Variants in EHD3 observed in about 807,000 individuals in gnomAD.
EHD3 encodes the protein EH domain containing 3, also known as EH domain-containing protein 3.
Under a neutral mutation model 43.0 loss-of-function variants are expected in EHD3, and 17 were observed. The ratio of observed to expected loss-of-function variants is 0.40; its 90% CI spans 0.27 to 0.59. The LOEUF (loss-of-function observed/expected upper bound fraction) is 0.59. Among genes scored for constraint, EHD3 ranks in the 20% least tolerant of loss-of-function variants. EHD3 has a pLI of 0.49. For synonymous variants in EHD3, 313 were observed against 289.5 expected (o/e 1.08, Z -0.82); for missense variants, 594 against 705.6 (o/e 0.84, Z 1.79).
At chr2:31,256,619 T>G (rs764308431) in intron 3 of EHD3, among the ~76,000 whole-genome samples, 1 of 152,194 alleles carries the variant, frequency 6.6e-6, no homozygotes. Context: ...ACAAGACCAC[T>G]GAGGGCAGGG....
rs935241702 is a variant in EHD3, at chr2:31,234,776, A to G, written c.155A>G (p.Asp52Gly). The G allele has an allele frequency of 6.2e-7, 1 of 1,614,094 alleles. No homozygotes were observed. Among genetic ancestry groups the G allele is most frequent in the Non-Finnish European group, 8.5e-7 (1 of 1,180,014 alleles). Residue 52 changes from aspartate (D) to glycine (G), a missense_variant, in exon 1 of 6, where the codon GAT becomes GGT. By Grantham distance (94) the Asp-to-Gly change is moderately conservative (BLOSUM62 -1). Coordinates refer to ENST00000322054, the MANE Select transcript of EHD3 (RefSeq NM_014600.3). ...FHEFHSPALEDADFDNKPMVL... is the reference protein window; with the variant it reads ...FHEFHSPALEGADFDNKPMVL... ...GAGTTCCACTCGCCCGCCCTGGAGGATGCCGACTTCGACAACAAGCCCATG... is the reference window on the plus strand; with the variant it reads ...GAGTTCCACTCGCCCGCCCTGGAGGGTGCCGACTTCGACAACAAGCCCATG...
chr2:31,234,816 C>T lies in EHD3; in HGVS notation c.195C>T (p.Gly65=). The T allele has an allele frequency of 1.9e-6, 3 of 1,614,172 alleles. No homozygotes were observed. The highest frequency in any genetic ancestry group is 2.5e-6 in the Non-Finnish European group (3 of 1,180,022). Residue 65 remains glycine (G), a synonymous_variant, in exon 1 of 6, where the codon GGC becomes GGT. Transcript: ENST00000322054. ...ACAAGCCCATGGTTCTGCTGGTGGGCCAGTACTCCACTGGGAAGACCACCT... is the reference window on the plus strand; with the variant it reads ...ACAAGCCCATGGTTCTGCTGGTGGGTCAGTACTCCACTGGGAAGACCACCT... The part of the protein sequence containing the change: ...FDNKPMVLLV[G]QYSTGKTTFI...
At chr2:31,264,958 T>G (rs899520982) in intron 5 of EHD3, among the ~76,000 whole-genome samples, 1 of 152,224 alleles carries the variant, frequency 6.6e-6, no homozygotes, top group African/African-American at 2.4e-5. Flanking sequence ...ATTTTTTACT[T>G]TTTTATTTTT....
At chr2:31,262,552 G>A (rs2148723952) in intron 5 of EHD3, among the ~76,000 whole-genome samples, 1 of 152,362 alleles carries the variant, frequency 6.6e-6, no homozygotes, top group East Asian at 1.9e-4. Context: ...TAGGTGGGCA[G>A]AGGGAGGTGG....
chr2:31,239,584 A>G (rs1382076237), intron 1 of EHD3, among the ~76,000 whole-genome samples: 5 of 152,220 alleles, frequency 3.3e-5, no homozygotes, highest in African/African-American at 9.6e-5. Flanking sequence ...GACGAAGGCC[A>G]TGGAACACAG....
At chr2:31,244,209 A>G (rs574231449) in intron 1 of EHD3, 65 bp from the exon 2 acceptor site, 2 of 1,523,004 alleles carry the variant, frequency 1.3e-6, no homozygotes, top group South Asian at 1.3e-5. Flanking sequence ...TCTGCCTTAT[A>G]GTAGACATGC....
Position 31,243,234 on chromosome 2 carries a change from C to T in EHD3, c.228-1040C>T, listed in dbSNP as rs570335537. The stretch of plus-strand genomic sequence containing the variant: ...TGGAGGTTGTGGTGAGCTAAGAACA[C>T]GCCACTACACTCCAGCCTGGGCGAC... On this transcript the variant is annotated intron_variant, in intron 1 of 5. Coordinates refer to ENST00000322054, the MANE Select transcript of EHD3 (RefSeq NM_014600.3). Among the ~76,000 whole-genome samples the T allele has an allele frequency of 8.6e-5, 13 of 151,994 alleles. No individual in the cohort carries two copies. The South Asian group carries it at 2.3e-3, about 27-fold the overall frequency.
chr2:31,253,094 C>T (rs6727023), intron 3 of EHD3, among the ~76,000 whole-genome samples: 94,891 of 147,890 alleles, frequency 0.64, 31,335 homozygotes, highest in East Asian at 0.83. Context: ...GAACACATAG[C>T]TCCAGTTTAA....
chr2:31,253,213 C>T (rs568544308), intron 3 of EHD3, among the ~76,000 whole-genome samples: 4 of 132,642 alleles, frequency 3.0e-5, no homozygotes, highest in East Asian at 2.6e-4. Context: ...CCTGCATATA[C>T]ACAACTCCCC....
intron 3 of EHD3, among the ~76,000 whole-genome samples, chr2:31,255,542 C>T (rs1683733788): frequency 6.6e-6 from 1 of 152,204 alleles, no homozygotes. Context: ...CTATACCATA[C>T]CCTTTTTCTT....
intron 3 of EHD3, among the ~76,000 whole-genome samples, chr2:31,255,062 T>TG (rs1558650528): frequency 6.6e-6 from 1 of 152,178 alleles, no homozygotes; most frequent in East Asian, 1.9e-4. Context: ...TACTTCAAAG[T>TG]GCTTTCTTTC....
chr2:31,244,499 G>A (rs369398312), intron 2 of EHD3, 49 bp downstream of exon 2: 2 of 1,581,560 alleles, frequency 1.3e-6, no homozygotes, highest in Non-Finnish European at 1.7e-6. Flanking sequence ...TTTTCTTCTT[G>A]GGGTATGGGG....
chr2:31,265,276 T>C (rs1200687762), intron 5 of EHD3, among the ~76,000 whole-genome samples: 1 of 152,248 alleles, frequency 6.6e-6, no homozygotes, highest in Non-Finnish European at 1.5e-5. Context: ...ATAGCCGTTA[T>C]CATTATCCGG....
rs1225847309 is a variant in EHD3, at chr2:31,261,676, T to C, written c.1043T>C (p.Ile348Thr). 2 of 1,614,116 alleles carry C rather than the reference T, an allele frequency of 1.2e-6. No homozygotes were observed. Among genetic ancestry groups the C allele is most frequent in the Admixed American group, 3.3e-5 (2 of 60,022 alleles). Residue 348 changes from isoleucine to threonine, a missense_variant, in exon 5 of 6, where the codon ATC becomes ACC. By Grantham distance (89) the Ile-to-Thr change is moderately conservative. This residue lies in a region of EHD3 where 322 missense variants were observed against 348.0 expected (regional missense o/e 0.93). Transcript: ENST00000322054. Reference protein sequence around the residue: ...IYGRIEREHQISPGDFPNLKR... With the variant: ...IYGRIEREHQTSPGDFPNLKR... ...GGCCGGATCGAGCGGGAGCACCAGATCTCACCTGGGGACTTCCCCAATCTG... is the reference window on the plus strand; with the variant it reads ...GGCCGGATCGAGCGGGAGCACCAGACCTCACCTGGGGACTTCCCCAATCTG...
At position 31,234,746 on chromosome 2, in the gene EHD3, T is replaced by G; in HGVS notation, c.125T>G (p.Phe42Cys). ...CTGCCCTTGGAAGAGCATTACCGCT[T>G]CCACGAGTTCCACTCGCCCGCCCTG... is the stretch of plus-strand genomic sequence containing the variant. ...KLLPLEEHYR[F>C]HEFHSPALED... Residue 42 changes from phenylalanine (F) to cysteine (C), a missense_variant, in exon 1 of 6, where the codon TTC (phenylalanine) becomes TGC (cysteine). This residue lies in a region of EHD3 where 243 missense variants were observed against 296.7 expected (regional missense o/e 0.82). Transcript: ENST00000322054. 2 of 1,614,164 alleles carry G rather than the reference T, an allele frequency of 1.2e-6. No homozygotes were observed. The highest frequency in any genetic ancestry group is 1.7e-6 in the Non-Finnish European group (2 of 1,180,018).
rs1683983067 is a variant in EHD3 at position 31,267,711 on chromosome 2, C to T, written c.*1007C>T. The T allele has an allele frequency of 6.6e-6, 1 of 152,346 alleles. No homozygotes were observed. Among genetic ancestry groups the T allele is most frequent in the South Asian group, 2.1e-4 (1 of 4,822 alleles). 9.4% of individuals were successfully genotyped at this position (152,346 alleles called of 1,614,324 possible). ...AGCCAGGGCCTCAGACCCTCACACA[C>T]TTGTCTGTGCTATGATGTATGCAGG... On this transcript the variant is annotated 3_prime_UTR_variant, in exon 6 of 6. Transcript: ENST00000322054.
At chr2:31,252,125 G>A (rs1359642344) in intron 3 of EHD3, among the ~76,000 whole-genome samples, 1 of 152,218 alleles carries the variant, frequency 6.6e-6, no homozygotes, top group Non-Finnish European at 1.5e-5. Context: ...CTGGGCTTTA[G>A]AACCTGTGTG....
chr2:31,258,941 C>T (rs1053492688), intron 3 of EHD3, among the ~76,000 whole-genome samples: 1 of 152,312 alleles, frequency 6.6e-6, no homozygotes, highest in East Asian at 1.9e-4. Context: ...GTCAGGACCC[C>T]TGTTAAAGAC....
In EHD3 at chr2:31,261,496, A is replaced by C. The variant is rs183404555; in HGVS notation, c.916-53A>C. The stretch of plus-strand genomic sequence containing the variant: ...TGATGCAAGAGCCATCCTAGAAGGA[A>C]GGGACCGTCCAGGGTCTTGATGTGA... On this transcript the variant is annotated intron_variant, in intron 4 of 5. Transcript: ENST00000322054. 4.0e-4 allele frequency: 642 copies of C among 1,595,110 alleles called. 1 individual carries two copies. Among genetic ancestry groups the C allele is most frequent in the Non-Finnish European group, 5.0e-4 (580 of 1,168,066 alleles).
Sources: gnomAD v4.1 joint callset for allele counts (sites outside exome capture counted in the v4.1 genomes callset) on GRCh38, gnomAD v4.1.1 for gene constraint, gnomAD v4.1.1 regional missense constraint, MANE v1.5 for transcripts, NCBI Gene and HGNC (gene_info 2026-07-23, HGNC 2026-07-21) for gene names.